RSPH6A: variants seen among roughly 807,000 people sequenced by gnomAD.
RSPH6A encodes radial spoke head protein 6 homolog A.
Under a neutral mutation model 66.1 loss-of-function variants are expected in RSPH6A, and 49 were observed. That is an observed-to-expected ratio of 0.74 (90% CI 0.59 to 0.94). RSPH6A has a LOEUF of 0.94. RSPH6A is among the 40% of genes least tolerant of loss of function. The pLI is 0.00. For synonymous variants in RSPH6A, 419 were observed against 402.4 expected (o/e 1.04, Z -0.49); for missense variants, 977 against 948.3 (o/e 1.03, Z -0.40).
At chr19:45,797,705 A>C (rs1970423210) in intron 5 of RSPH6A, among the ~76,000 whole-genome samples, 1 of 151,614 alleles carries the variant, frequency 6.6e-6, no homozygotes, top group Non-Finnish European at 1.5e-5. Flanking sequence ...ACATCTCTAC[A>C]AAAAATACAA....
intron 2 of RSPH6A, among the ~76,000 whole-genome samples, chr19:45,805,494 C>T (rs972824439): frequency 5.3e-5 from 8 of 152,096 alleles, no homozygotes; most frequent in Non-Finnish European, 8.8e-5. Context: ...GAGTTTGAGA[C>T]CAGCCTGGCC....
chr19:45,812,852 G>A (rs192737018), intron 1 of RSPH6A, among the ~76,000 whole-genome samples: 1 of 152,070 alleles, frequency 6.6e-6, no homozygotes, highest in Non-Finnish European at 1.5e-5. Flanking sequence ...GTGCCACCAC[G>A]CCTGGCTAAC....
chr19:45,796,244 C>T, intron 5 of RSPH6A, 138 bp from the exon 6 acceptor site: 1 of 603,064 alleles, frequency 1.7e-6, no homozygotes, highest in Non-Finnish European at 2.7e-6. Flanking sequence ...ACCTCTGCCT[C>T]CCAGGTTCAA....
At chr19:45,800,730 CCACACACACACACACA>C (rs3045732) in intron 4 of RSPH6A, among the ~76,000 whole-genome samples, 167 bp from the exon 5 acceptor site, 119 of 113,350 alleles carry the variant, frequency 1.0e-3, no homozygotes, top group South Asian at 3.5e-3. Context: ...TCGCTGCAGA[CCACACACACACACACA>C]CACACACACA....
rs1328922754 is a variant in RSPH6A, at chr19:45,805,091, T to A, written c.889-75A>T. ...CCCTAGCCTACCTCTTCCAGACTCT[T>A]CTAGAGTCAAGAGAGCTAAAAGAGG... is the stretch of plus-strand genomic sequence containing the variant. On this transcript the variant is annotated intron_variant, in intron 2 of 5. Transcript: ENST00000221538. The A allele has an allele frequency of 6.1e-6, 8 of 1,314,946 alleles. No homozygotes were observed. In the Admixed American group the frequency reaches 1.3e-4, roughly 21 times the overall value. The allele number at this position is 1,314,946 out of a possible 1,614,324, so 81.5% of individuals were successfully genotyped here.
At position 45,815,203 on chromosome 19, in the gene RSPH6A, G is replaced by T; in HGVS notation, c.-27C>A. On this transcript the variant is annotated 5_prime_UTR_variant, in exon 1 of 6. Coordinates refer to ENST00000221538, the MANE Select transcript of RSPH6A (RefSeq NM_030785.4). ...GTTCGCCAGGAGGCACAGATCTCTA[G>T]GAGAAAGGCTTGCAGACAAGGAGGC... 6.4e-7 allele frequency: 1 copy of T among 1,551,926 alleles called. No individual in the cohort carries two copies.
At chr19:45,813,045 T>A (rs369308261) in intron 1 of RSPH6A, among the ~76,000 whole-genome samples, 20 of 152,150 alleles carry the variant, frequency 1.3e-4, no homozygotes, top group African/African-American at 4.6e-4. Context: ...AGCTTCCCCC[T>A]GTGGGCAATG....
Position 45,814,864 on chromosome 19 carries a change from C to T in RSPH6A, c.313G>A (p.Asp105Asn). 2 of 1,614,132 alleles carry T rather than the reference C, an allele frequency of 1.2e-6. No individual in the cohort carries two copies. The highest frequency in any genetic ancestry group is 2.2e-5 in the East Asian group (1 of 44,880). ...PSEFQPQPYS[D>N]ESRMQVAELT... The stretch of plus-strand genomic sequence containing the variant: ...TCGGCGACCTGCATCCTGCTTTCAT[C>T]AGAGTAAGGCTGAGGCTGGAACTCT... Residue 105 changes from aspartate to asparagine, a missense_variant, in exon 1 of 6, where the codon GAT (aspartate) becomes AAT (asparagine). By Grantham distance (23) the Asp-to-Asn change is conservative. Transcript: ENST00000221538.
At chr19:45,807,781 C>T (rs1199317047) in intron 2 of RSPH6A, among the ~76,000 whole-genome samples, 5 of 151,852 alleles carry the variant, frequency 3.3e-5, no homozygotes, top group Non-Finnish European at 4.4e-5. Context: ...AAAGTGCTGA[C>T]ATAACAGGCG....
In RSPH6A at chr19:45,814,802, C is replaced by T; in HGVS notation, c.375G>A (p.Gln125=). Residue 125 remains glutamine, a synonymous_variant, in exon 1 of 6, where the codon CAG becomes CAA. Transcript: ENST00000221538. ...TTSLMLQRLQ[Q]GQSSLFQQLD... ...GTTGCTGGAACAGGCTGCTTTGGCC[C>T]TGCTGGAGCCGCTGCAGCATTAGGC... The T allele has an allele frequency of 6.2e-7, 1 of 1,613,938 alleles. No homozygotes were observed. Among genetic ancestry groups the T allele is most frequent in the Non-Finnish European group, 8.5e-7 (1 of 1,179,890 alleles).
chr19:45,799,576 C>CACTGTACACTGTACACAGACAG (rs1356447526), intron 5 of RSPH6A, among the ~76,000 whole-genome samples: 2 of 151,204 alleles, frequency 1.3e-5, no homozygotes, highest in Non-Finnish European at 2.9e-5. Flanking sequence ...TAGTGTCTTA[C>CACTGTACACTGTACACAGACAG]TGTGTTCCTC....
At chr19:45,812,561 G>A (rs886380120) in intron 1 of RSPH6A, among the ~76,000 whole-genome samples, 2 of 152,132 alleles carry the variant, frequency 1.3e-5, no homozygotes, top group Non-Finnish European at 2.9e-5. Context: ...AAGAGAGCCT[G>A]AAGCTCTGAA....
At chr19:45,796,714 T>C (rs564423345) in intron 5 of RSPH6A, among the ~76,000 whole-genome samples, 2 of 151,982 alleles carry the variant, frequency 1.3e-5, no homozygotes, top group African/African-American at 4.8e-5. Flanking sequence ...GGTTTCACCA[T>C]GTTAGCCAGG....
intron 5 of RSPH6A, among the ~76,000 whole-genome samples, chr19:45,797,729 G>A (rs1352737602): frequency 3.3e-5 from 5 of 151,940 alleles, no homozygotes; most frequent in East Asian, 3.9e-4. Flanking sequence ...TTAGCTGGGC[G>A]TGGTAGTGGG....
chr19:45,809,367 C>T (rs1179129685), intron 2 of RSPH6A, among the ~76,000 whole-genome samples: 1 of 143,288 alleles, frequency 7.0e-6, no homozygotes, highest in African/African-American at 2.6e-5. Flanking sequence ...TGTAGTGGTG[C>T]GACCTCCCCT....
chr19:45,802,335 G>A (rs1396317586), intron 3 of RSPH6A, 71 bp from the exon 4 acceptor site: 3 of 1,278,222 alleles, frequency 2.3e-6, no homozygotes, highest in East Asian at 6.2e-5. Flanking sequence ...TGGGGGAGGT[G>A]AAGGGCCAAC....
chr19:45,811,274 G>A (rs1970624648), intron 1 of RSPH6A, among the ~76,000 whole-genome samples: 1 of 152,106 alleles, frequency 6.6e-6, no homozygotes, highest in Non-Finnish European at 1.5e-5. Flanking sequence ...TTACAGGCGT[G>A]AGCCACCGCG....
chr19:45,798,587 C>A, intron 5 of RSPH6A, among the ~76,000 whole-genome samples: 1 of 148,352 alleles, frequency 6.7e-6, no homozygotes, highest in South Asian at 2.1e-4. Context: ...GCCTGTAATC[C>A]CAGCCCTTTG....
Position 45,804,961 on chromosome 19 carries a change from C to T in RSPH6A, c.944G>A (p.Gly315Asp). ...GCTCTCGTCCGAGCTCAGGCCGACG[C>T]CGGCCTGCTCGAAGTAGAAGGCAGT... ...METAFYFEQA[G>D]VGLSSDESFR... The change falls in exon 3 of 6, where the codon GGC (glycine) becomes GAC (aspartate). Residue 315 changes from glycine (G) to aspartate (D), a missense_variant. Coordinates refer to ENST00000221538, the MANE Select transcript of RSPH6A (RefSeq NM_030785.4). The surrounding 1 kb of genome is among the most constrained non-coding windows in gnomAD (Gnocchi z 5.8). 1 of 1,613,980 alleles carries T rather than the reference C, an allele frequency of 6.2e-7. No homozygotes were observed. Among genetic ancestry groups the T allele is most frequent in the Non-Finnish European group, 8.5e-7 (1 of 1,180,028 alleles).
Sources: allele counts gnomAD v4.1 joint callset (sites outside exome capture counted in the v4.1 genomes callset), GRCh38; gene constraint gnomAD v4.1.1; non-coding constraint Gnocchi (gnomAD v3.1); transcripts MANE v1.5; gene names NCBI Gene and HGNC (gene_info 2026-07-23, HGNC 2026-07-21).